The following MEGF8 variants were observed in gnomAD, a reference collection of about 807,000 sequenced individuals.
The protein encoded by MEGF8 is multiple epidermal growth factor-like domains protein 8.
A neutral mutation model predicts 302.9 loss-of-function variants in MEGF8; 156 were observed. The ratio of observed to expected loss-of-function variants is 0.52; its 90% CI spans 0.45 to 0.59. The LOEUF is 0.59. MEGF8 is among the 20% of genes least tolerant of loss of function. The pLI is 0.00. For synonymous variants in MEGF8, 1,621 were observed against 1,660.5 expected, an observed-to-expected ratio of 0.98 and a Z score of 0.58; for missense variants, 3,345 against 3,964.5, an observed-to-expected ratio of 0.84 and a Z score of 4.20.
chr19:42,337,159 A>G lies in MEGF8; in HGVS notation c.1466A>G (p.His489Arg). Residue 489 changes from histidine to arginine, a missense_variant, in exon 8 of 42, where the codon CAT becomes CGT. Physicochemically the swap from His to Arg is conservative, Grantham distance 29 (BLOSUM62 0). Transcript: ENST00000251268. ...ATCTTCTTCTACCACCTTGGCTGCC[A>G]TCAATGGGTGTCAGGAGCTGAGCTT... ...DGIFFYHLGC[H>R]QWVSGAELAP... The G allele has an allele frequency of 6.2e-7, 1 of 1,613,984 alleles. No homozygotes were observed. Among genetic ancestry groups the G allele is most frequent in the Non-Finnish European group, 8.5e-7 (1 of 1,179,884 alleles).
At position 42,368,673 on chromosome 19, in the gene MEGF8, T is replaced by G. The variant is rs138919410; in HGVS notation, c.6481+11T>G. The G allele has an allele frequency of 5.2e-4, 794 of 1,537,056 alleles. 2 individuals carry two copies. In the African/African-American group the frequency reaches 9.2e-3, roughly 18 times the overall value. ...GCGGCCCCCGTGATGGTGAGAGGGC[T>G]TTGGGCACTGGGGGAGAGGGGCTGG... On this transcript the variant is annotated intron_variant, in intron 36 of 41. Transcript: ENST00000251268. This position sits in a 1 kb window ranked among gnomAD's most constrained non-coding sequence, Gnocchi z 4.9.
rs1211874588 is a variant in MEGF8, at chr19:42,335,058, G to C, written c.582G>C (p.Glu194Asp). The C allele has an allele frequency of 5.6e-6, 9 of 1,613,436 alleles. No homozygotes were observed. The highest frequency in any genetic ancestry group is 7.6e-6 in the Non-Finnish European group (9 of 1,179,684). The change falls in exon 4 of 42, where the codon GAG (glutamate) becomes GAC (aspartate). Residue 194 changes from glutamate (E) to aspartate (D), a missense_variant. Glu to Asp is a conservative substitution (Grantham distance 45). Coordinates refer to ENST00000251268, the MANE Select transcript of MEGF8 (RefSeq NM_001271938.2). ...AGCCCCTGGGACCATGCCGCTGTGAGCCTGGCTTCTTGGGACGTGCCTGTG... is the reference window on the plus strand; with the variant it reads ...AGCCCCTGGGACCATGCCGCTGTGACCCTGGCTTCTTGGGACGTGCCTGTG... ...CASPLGPCRC[E>D]PGFLGRACDL...
Position 42,334,232 on chromosome 19 carries a change from C to G in MEGF8, c.558+19C>G. 1 of 1,568,150 alleles carries G rather than the reference C, an allele frequency of 6.4e-7. No homozygotes were observed. The highest frequency in any genetic ancestry group is 8.6e-7 in the Non-Finnish European group (1 of 1,156,854). ...CGCCTCGGTGAGCCGGTCCCCAGCC[C>G]TGTTTCCCCTGGGGCCCTGATCTGT... On this transcript the variant is annotated intron_variant, in intron 3 of 41. Transcript: ENST00000251268.
At chr19:42,342,649 A>G (rs2039230925) in intron 8 of MEGF8, among the ~76,000 whole-genome samples, 1 of 151,924 alleles carries the variant, frequency 6.6e-6, no homozygotes, top group Admixed American at 6.6e-5. Flanking sequence ...AAAAAAAAAA[A>G]AGGAATTTCC....
intron 1 of MEGF8, 129 bp from the exon 2 acceptor site, chr19:42,333,476 A>T (rs2039080917): frequency 1.9e-6 from 2 of 1,032,506 alleles, no homozygotes. Flanking sequence ...GGCGGGGCCC[A>T]GGTCTGACTC....
chr19:42,376,542 A>G lies in MEGF8; in HGVS notation c.8305A>G (p.Thr2769Ala), dbSNP rs1281734599. Reference sequence around the variant, plus strand: ...TGCTGGGCTGCGAGCTGGGCCCATCACTCTCGAGCCCACAGAAGATGGCAT... The same window carrying G: ...TGCTGGGCTGCGAGCTGGGCCCATCGCTCTCGAGCCCACAGAAGATGGCAT... ...TTAGLRAGPI[T>A]LEPTEDGMAG... Residue 2769 changes from threonine to alanine, a missense_variant, in exon 42 of 42, where the codon ACT becomes GCT. Coordinates refer to ENST00000251268, the MANE Select transcript of MEGF8 (RefSeq NM_001271938.2). The surrounding 1 kb of genome is among the most constrained non-coding windows in gnomAD (Gnocchi z 8.2). 1.3e-6 allele frequency: 2 copies of G among 1,561,326 alleles called. No individual in the cohort carries two copies. Among genetic ancestry groups the G allele is most frequent in the Admixed American group, 1.9e-5 (1 of 52,330 alleles).
intron 12 of MEGF8, among the ~76,000 whole-genome samples, 168 bp from the exon 13 acceptor site, chr19:42,348,104 C>T (rs1216643859): frequency 6.6e-6 from 1 of 152,218 alleles, no homozygotes; most frequent in East Asian, 1.9e-4. Context: ...GGTCTTGCCT[C>T]TTTTCCCAGA....
In MEGF8 at chr19:42,337,091, T is replaced by C; in HGVS notation, c.1398T>C (p.Asn466=). 1.2e-6 allele frequency: 2 copies of C among 1,613,942 alleles called. No individual in the cohort carries two copies. Among genetic ancestry groups the C allele is most frequent in the East Asian group, 2.2e-5 (1 of 44,882 alleles). The change falls in exon 8 of 42, where the codon AAT becomes AAC. Residue 466 remains asparagine (N), a synonymous_variant. Coordinates refer to ENST00000251268, the MANE Select transcript of MEGF8 (RefSeq NM_001271938.2). ...CCTTTCCTCCATTCCCAGGGGGCAA[T>C]GTGCACACCCATTACCAGGAGGAAA... The part of the protein sequence containing the change: ...LGNYMVVYGG[N]VHTHYQEEKC...
Position 42,377,984 on chromosome 19 carries a change from AC to A in MEGF8, c.*1213del, listed in dbSNP as rs1346972689. On this transcript the variant is annotated 3_prime_UTR_variant, in exon 42 of 42. Transcript: ENST00000251268. The stretch of plus-strand genomic sequence containing the variant: ...TGAGGGAGGAGACAAAACCACGATG[AC>A]CCCTAGCTTTGTGGCCTGAACTGTG... 6.6e-6 allele frequency: 1 copy of A among 151,796 alleles called. No individual in the cohort carries two copies. Among genetic ancestry groups the A allele is most frequent in the Non-Finnish European group, 1.5e-5 (1 of 68,002 alleles). The allele number at this position is 151,796 out of a possible 1,614,324, so 9.4% of individuals were successfully genotyped here.
rs753405679 is a variant in MEGF8, at chr19:42,359,233, G to T, written c.5479G>T (p.Asp1827Tyr). 1.9e-6 allele frequency: 3 copies of T among 1,569,842 alleles called. No homozygotes were observed. The highest frequency in any genetic ancestry group is 2.6e-6 in the Non-Finnish European group (3 of 1,157,632). Reference sequence around the variant, plus strand: ...CAACTGCAATGCCTGGCTTCTGCCCGACCTCACCCGTAAGTCCCCATTGTG... The same window carrying T: ...CAACTGCAATGCCTGGCTTCTGCCCTACCTCACCCGTAAGTCCCCATTGTG... ...QVNCNAWLLP[D>Y]LTRSASVGPP... Residue 1827 changes from aspartate to tyrosine, a missense_variant, in exon 31 of 42, where the codon GAC (aspartate) becomes TAC (tyrosine). Asp to Tyr is a radical substitution (Grantham distance 160, BLOSUM62 -3). Coordinates refer to ENST00000251268, the MANE Select transcript of MEGF8 (RefSeq NM_001271938.2).
intron 1 of MEGF8, among the ~76,000 whole-genome samples, chr19:42,328,567 A>AGTGTGTGTGTGTATGTGTGTGTGTGTGT (rs2039014846): frequency 4.8e-5 from 7 of 146,612 alleles, no homozygotes; most frequent in African/African-American, 1.8e-4. Flanking sequence ...CAGAATAGGA[A>AGTGTGTGTGTGTATGTGTGTGTGTGTGT]GTGTGTGTGT....
In MEGF8 at chr19:42,354,376, C is replaced by A. The variant is rs182003478; in HGVS notation, c.4012-212C>A. Among the ~76,000 whole-genome samples, 20 of 152,208 alleles carry A rather than the reference C, an allele frequency of 1.3e-4. No homozygotes were observed. The highest frequency in any genetic ancestry group is 1.2e-3 in the Admixed American group (18 of 15,284). On this transcript the variant is annotated intron_variant, in intron 22 of 41. Transcript: ENST00000251268. The surrounding 1 kb of genome is among the most constrained non-coding windows in gnomAD (Gnocchi z 4.3). ...TGCATGTTGAGAAAGGGGCTCAATGCAAGAGTGCCTGATAGATGAGCCGTG... is the reference window on the plus strand; with the variant it reads ...TGCATGTTGAGAAAGGGGCTCAATGAAAGAGTGCCTGATAGATGAGCCGTG...
At chr19:42,333,882 G>A in intron 2 of MEGF8, 114 bp downstream of exon 2, 1 of 1,529,504 alleles carries the variant, frequency 6.5e-7, no homozygotes, top group Non-Finnish European at 8.9e-7. Flanking sequence ...AGGGAAGGTG[G>A]AGAGAGGCAA....
At position 42,329,875 on chromosome 19, in the gene MEGF8, G is replaced by GA. The variant is rs773136200; in HGVS notation, c.187+3461dup. Among the ~76,000 whole-genome samples the GA allele has an allele frequency of 9.4e-3, 1,170 of 124,418 alleles. 10 individuals are homozygous for GA. Among genetic ancestry groups the GA allele is most frequent in the African/African-American group, 0.025 (866 of 33,988 alleles). 81.6% of individuals were successfully genotyped at this position (124,418 alleles called of 152,430 possible). On this transcript the variant is annotated intron_variant, in intron 1 of 41. Coordinates refer to ENST00000251268, the MANE Select transcript of MEGF8 (RefSeq NM_001271938.2). ...CAGCAGAGCGAGACCCTGTCTCAGG[G>GA]AAAAAAAAAAAAAAAAGATAAACAA...
In MEGF8 at chr19:42,326,328, G is replaced by C. The variant is rs750104104; in HGVS notation, c.85G>C (p.Asp29His). ...GCTGTCCCCTGGGGCCCGGGCGGGG[G>C]ACTGCAAGGGGCAGCGGCAGGTGCT... ...GSLSPGARAG[D>H]CKGQRQVLRE... The change falls in exon 1 of 42, where the codon GAC becomes CAC. Residue 29 changes from aspartate to histidine, a missense_variant. Transcript: ENST00000251268. The C allele has an allele frequency of 1.3e-6, 2 of 1,570,964 alleles. No homozygotes were observed. Among genetic ancestry groups the C allele is most frequent in the African/African-American group, 2.8e-5 (2 of 71,302 alleles).
At position 42,357,405 on chromosome 19, in the gene MEGF8, C is replaced by A; in HGVS notation, c.4832C>A (p.Ala1611Asp). Reference protein sequence around the residue: ...LTTLQWRQEKAPQTVELPAVA... With the variant: ...LTTLQWRQEKDPQTVELPAVA... ...TGACCTTGCCCCTCCATCCCTCAGG[C>A]CCCCCAGACCGTGGAGCTGCCAGCC... The change falls in exon 28 of 42, where the codon GCC becomes GAC. Residue 1611 changes from alanine (A) to aspartate (D), a missense_variant and splice_region_variant. Ala to Asp is a moderately radical substitution (Grantham distance 126, BLOSUM62 -2). Coordinates refer to ENST00000251268, the MANE Select transcript of MEGF8 (RefSeq NM_001271938.2). This position sits in a 1 kb window ranked among gnomAD's most constrained non-coding sequence, Gnocchi z 5.2. The A allele has an allele frequency of 6.2e-7, 1 of 1,611,986 alleles. No individual in the cohort carries two copies. Among genetic ancestry groups the A allele is most frequent in the East Asian group, 2.2e-5 (1 of 44,852 alleles).
At position 42,353,135 on chromosome 19, in the gene MEGF8, G is replaced by T. The variant is rs900336205; in HGVS notation, c.3550+8G>T. The T allele has an allele frequency of 1.3e-6, 2 of 1,537,928 alleles. No individual in the cohort carries two copies. Among genetic ancestry groups the T allele is most frequent in the African/African-American group, 2.8e-5 (2 of 72,398 alleles). On this transcript the variant is annotated splice_region_variant and intron_variant, in intron 20 of 41. Coordinates refer to ENST00000251268, the MANE Select transcript of MEGF8 (RefSeq NM_001271938.2). The surrounding 1 kb of genome is among the most constrained non-coding windows in gnomAD (Gnocchi z 6.1). ...TCTGCGACGAGTGCCAGGGTAAGCA[G>T]CCCTTGTCCTGGGCCCAGCCTGGAC...
chr19:42,354,510 G>C lies in MEGF8; in HGVS notation c.4012-78G>C. 3 of 1,512,492 alleles carry C rather than the reference G, an allele frequency of 2.0e-6. No individual in the cohort carries two copies. The highest frequency in any genetic ancestry group is 2.7e-6 in the Non-Finnish European group (3 of 1,116,722). The allele number at this position is 1,512,492 out of a possible 1,614,324, so 93.7% of individuals were successfully genotyped here. On this transcript the variant is annotated intron_variant, in intron 22 of 41. Coordinates refer to ENST00000251268, the MANE Select transcript of MEGF8 (RefSeq NM_001271938.2). The surrounding 1 kb of genome is among the most constrained non-coding windows in gnomAD (Gnocchi z 4.3). ...CAGTCTCAGATTGCCCTCCCCTCTTGAACCCCTCCTCCTCCCAGACCCCAG... is the reference window on the plus strand; with the variant it reads ...CAGTCTCAGATTGCCCTCCCCTCTTCAACCCCTCCTCCTCCCAGACCCCAG...
At chr19:42,355,655 G>A in intron 23 of MEGF8, 103 bp from the exon 24 acceptor site, 4 of 1,420,676 alleles carry the variant, frequency 2.8e-6, no homozygotes, top group Non-Finnish European at 2.8e-6. Context: ...ATAATATGGT[G>A]CCTTCCTTCC....
Sources: gnomAD v4.1 joint callset for allele counts (sites outside exome capture counted in the v4.1 genomes callset) on GRCh38, gnomAD v4.1.1 for gene constraint, Gnocchi (gnomAD v3.1) non-coding constraint, MANE v1.5 for transcripts, NCBI Gene and HGNC (gene_info 2026-07-23, HGNC 2026-07-21) for gene names.